Variants in PIEZO2 observed in about 807,000 individuals in gnomAD.
PIEZO2 encodes piezo type mechanosensitive ion channel component 2, also known as piezo-type mechanosensitive ion channel component 2.
PIEZO2 carries 172 observed loss-of-function variants against 337.3 expected under a neutral mutation model. That is an observed-to-expected ratio of 0.51 (90% CI 0.45 to 0.58). The LOEUF is 0.58. PIEZO2 is among the 20% of genes least tolerant of loss of function. The pLI is 0.00. For synonymous variants in PIEZO2, 1,251 were observed against 1,228.5 expected, an observed-to-expected ratio of 1.02 and a Z score of -0.38; for missense variants, 3,028 against 3,391.3, an observed-to-expected ratio of 0.89 and a Z score of 2.66.
At chr18:10,717,040 G>A (rs2036038702) in intron 37 of PIEZO2, among the ~76,000 whole-genome samples, 1 of 152,164 alleles carries the variant, frequency 6.6e-6, no homozygotes, top group Non-Finnish European at 1.5e-5. Context: ...CAGTGGTTAA[G>A]AGCACACACT....
intron 3 of PIEZO2, among the ~76,000 whole-genome samples, chr18:10,924,242 C>T (rs893424165): frequency 6.6e-6 from 1 of 152,164 alleles, no homozygotes; most frequent in African/African-American, 2.4e-5. Flanking sequence ...TAATTTGGCG[C>T]ACCGTTATGT....
rs1265336276 is a variant in PIEZO2, at chr18:10,794,154, CA to C, written c.1758+617del. Among the ~76,000 whole-genome samples, 3 of 151,958 alleles carry C rather than the reference CA, an allele frequency of 2.0e-5. No homozygotes were observed. Among genetic ancestry groups the C allele is most frequent in the African/African-American group, 7.3e-5 (3 of 41,326 alleles). On this transcript the variant is annotated intron_variant, in intron 13 of 55. Coordinates refer to ENST00000674853, the MANE Select transcript of PIEZO2 (RefSeq NM_001378183.1). The surrounding 1 kb of genome is among the most constrained non-coding windows in gnomAD (Gnocchi z 6.6). ...TGTGTTTAGTCTGCCATTCTGTTAA[CA>C]AAACAAACAGTAAGTTGGGAAACCT...
intron 3 of PIEZO2, among the ~76,000 whole-genome samples, chr18:10,923,890 T>C (rs2031571424): frequency 6.6e-6 from 1 of 152,186 alleles, no homozygotes; most frequent in South Asian, 2.1e-4. Flanking sequence ...GTGCTGTAGT[T>C]CTATGAGTCA....
At chr18:10,999,271 A>G (rs981391520) in intron 2 of PIEZO2, among the ~76,000 whole-genome samples, 7 of 152,110 alleles carry the variant, frequency 4.6e-5, no homozygotes, top group Non-Finnish European at 1.0e-4. Flanking sequence ...TGTATTTCAA[A>G]GTCTTCTTCA....
rs1312905282 is a variant in PIEZO2 at position 10,903,803 on chromosome 18, G to A, written c.329+7383C>T. On this transcript the variant is annotated intron_variant, in intron 4 of 55. Coordinates refer to ENST00000674853, the MANE Select transcript of PIEZO2 (RefSeq NM_001378183.1). This position sits in a 1 kb window ranked among gnomAD's most constrained non-coding sequence, Gnocchi z 4.1. ...TTTATCCCTAACAGTTCAGATGGATGAATGCCAATGAAGCCATTCTTCAAA... is the reference window on the plus strand; with the variant it reads ...TTTATCCCTAACAGTTCAGATGGATAAATGCCAATGAAGCCATTCTTCAAA... 1.3e-5 allele frequency among the ~76,000 whole-genome samples: 2 copies of A among 152,118 alleles called. No homozygotes were observed. The highest frequency in any genetic ancestry group is 1.9e-4 in the East Asian group (1 of 5,184).
At position 11,110,189 on chromosome 18, in the gene PIEZO2, A is replaced by C. The variant is rs1382022740; in HGVS notation, c.64+38336T>G. 6.6e-6 allele frequency among the ~76,000 whole-genome samples: 1 copy of C among 152,120 alleles called. No homozygotes were observed. Among genetic ancestry groups the C allele is most frequent in the Admixed American group, 6.5e-5 (1 of 15,276 alleles). ...ACCCAGGCTGGAGTAAAGTGGTGTG[A>C]TCATAGCTCACTGCATCCTGGAATT... On this transcript the variant is annotated intron_variant, in intron 1 of 55. Transcript: ENST00000674853. This position sits in a 1 kb window ranked among gnomAD's most constrained non-coding sequence, Gnocchi z 4.2.
At chr18:11,051,291 C>A (rs1454502195) in intron 2 of PIEZO2, among the ~76,000 whole-genome samples, 2 of 151,600 alleles carry the variant, frequency 1.3e-5, no homozygotes, top group Non-Finnish European at 2.9e-5. Context: ...GATAAGACGA[C>A]AACTTTGTTC....
rs538547324 is a variant in PIEZO2, at chr18:10,927,746, CCT to C, written c.287-16520_287-16519del. Among the ~76,000 whole-genome samples the C allele has an allele frequency of 1.2e-4, 18 of 152,144 alleles. No homozygotes were observed. In the South Asian group the frequency reaches 3.1e-3, roughly 26 times the overall value. ...GTTCTTAGACAAACTACAGAATTTTCCTCTCTCTGTGGTTTTTCAGTAGTCCA... is the reference window on the plus strand; with the variant it reads ...GTTCTTAGACAAACTACAGAATTTTCCTCTCTGTGGTTTTTCAGTAGTCCA... On this transcript the variant is annotated intron_variant, in intron 3 of 55. Coordinates refer to ENST00000674853, the MANE Select transcript of PIEZO2 (RefSeq NM_001378183.1).
chr18:10,677,731 G>T lies in PIEZO2; in HGVS notation c.8081+16C>A. 6.2e-7 allele frequency: 1 copy of T among 1,605,208 alleles called. No individual in the cohort carries two copies. ...ATACCTAACAAAGCTCTATTAGTAG[G>T]AAAAAATACACTTACACTGGTGTTT... On this transcript the variant is annotated intron_variant, in intron 53 of 55. Coordinates refer to ENST00000674853, the MANE Select transcript of PIEZO2 (RefSeq NM_001378183.1). The surrounding 1 kb of genome is among the most constrained non-coding windows in gnomAD (Gnocchi z 4.1).
In PIEZO2 at chr18:10,877,997, T is replaced by A. The variant is rs2042313648; in HGVS notation, c.330-6582A>T. On this transcript the variant is annotated intron_variant, in intron 4 of 55. Transcript: ENST00000674853. The surrounding 1 kb of genome is among the most constrained non-coding windows in gnomAD (Gnocchi z 5.3). ...CAACTTCTCCCAGTATGCTTCAGGT[T>A]CTCCTCATCTCTAAAAACACACCTG... Among the ~76,000 whole-genome samples the A allele has an allele frequency of 1.3e-5, 2 of 152,008 alleles. No homozygotes were observed. Among genetic ancestry groups the A allele is most frequent in the South Asian group, 4.1e-4 (2 of 4,820 alleles).
chr18:10,705,556 C>G lies in PIEZO2; in HGVS notation c.5779G>C (p.Glu1927Gln). The G allele has an allele frequency of 6.5e-7, 1 of 1,537,262 alleles. No individual in the cohort carries two copies. The change falls in exon 41 of 56, where the codon GAG becomes CAG. Residue 1927 changes from glutamate to glutamine, a missense_variant. Transcript: ENST00000674853. ...AEEASLTPEEELTQFSTLDGD... is the reference protein window; with the variant it reads ...AEEASLTPEEQLTQFSTLDGD... ...TCCAAGGTGGAGAACTGTGTCAGCT[C>G]TTCCTCTGGGGTGAGGCTGGCCTCC...
At chr18:10,788,470 G>A (rs1252007894) in intron 15 of PIEZO2, among the ~76,000 whole-genome samples, 1 of 140,770 alleles carries the variant, frequency 7.1e-6, no homozygotes, top group Non-Finnish European at 1.5e-5. Flanking sequence ...AAGGAAGGAA[G>A]GAAGGAAGAA....
chr18:10,863,158 T>G lies in PIEZO2; in HGVS notation c.493-5947A>C, dbSNP rs2041919620. On this transcript the variant is annotated intron_variant, in intron 5 of 55. Coordinates refer to ENST00000674853, the MANE Select transcript of PIEZO2 (RefSeq NM_001378183.1). This position sits in a 1 kb window ranked among gnomAD's most constrained non-coding sequence, Gnocchi z 4.3. ...TTGTTTATTATTAAAAGTTAACAAT[T>G]TATCTTAACAGAATGGGTTCATCTC... is the stretch of plus-strand genomic sequence containing the variant. Among the ~76,000 whole-genome samples, 1 of 152,182 alleles carries G rather than the reference T, an allele frequency of 6.6e-6. No individual in the cohort carries two copies. The highest frequency in any genetic ancestry group is 2.1e-4 in the South Asian group (1 of 4,828).
chr18:10,939,484 A>T (rs1418749430), intron 3 of PIEZO2, among the ~76,000 whole-genome samples: 1 of 152,208 alleles, frequency 6.6e-6, no homozygotes, highest in Non-Finnish European at 1.5e-5. Context: ...GTATTGCAAC[A>T]CTATTTACAA....
At chr18:10,785,063 C>T (rs1443001924) in intron 16 of PIEZO2, 106 bp from the exon 17 acceptor site, 58 of 1,239,000 alleles carry the variant, frequency 4.7e-5, no homozygotes, top group Non-Finnish European at 5.8e-5. Flanking sequence ...TCAGGTCTAT[C>T]GTTTATTGAA....
Position 10,791,234 on chromosome 18 carries a change from C to T in PIEZO2, c.1849G>A (p.Val617Ile), listed in dbSNP as rs2039401155. The T allele has an allele frequency of 6.5e-6, 10 of 1,536,142 alleles. No homozygotes were observed. In the South Asian group the frequency reaches 1.1e-4, roughly 16 times the overall value. ...TCATTTTCCTGACTGCCAATTTTGA[C>T]TTCCGATAAAAGAGCTTCCTTTTCT... ...LQEKEALLSE[V>I]KIGSQENEEK... The change falls in exon 14 of 56, where the codon GTC becomes ATC. Residue 617 changes from valine to isoleucine, a missense_variant. This residue lies in a region of PIEZO2 where 1,925 missense variants were observed against 2,051.9 expected (regional missense o/e 0.94). Transcript: ENST00000674853.
In PIEZO2 at chr18:10,775,750, A is replaced by G. The variant is rs2038760597; in HGVS notation, c.2535-1712T>C. Among the ~76,000 whole-genome samples the G allele has an allele frequency of 6.6e-6, 1 of 152,146 alleles. No individual in the cohort carries two copies. Among genetic ancestry groups the G allele is most frequent in the Non-Finnish European group, 1.5e-5 (1 of 68,016 alleles). ...GAGTAAGCCTTTTGGAAGTAGGTCC[A>G]CAAGGCTGATTTCTAGAAACTTGTA... is the stretch of plus-strand genomic sequence containing the variant. On this transcript the variant is annotated intron_variant, in intron 18 of 55. Transcript: ENST00000674853. The surrounding 1 kb of genome is among the most constrained non-coding windows in gnomAD (Gnocchi z 4.3).
intron 7 of PIEZO2, among the ~76,000 whole-genome samples, chr18:10,832,883 T>C (rs2040888521): frequency 6.6e-6 from 1 of 152,188 alleles, no homozygotes; most frequent in South Asian, 2.1e-4. Flanking sequence ...AGGTAACTCC[T>C]GTCTTCACCA....
chr18:10,951,680 T>C (rs1450589359), intron 3 of PIEZO2, among the ~76,000 whole-genome samples: 1 of 152,212 alleles, frequency 6.6e-6, no homozygotes, highest in Non-Finnish European at 1.5e-5. Flanking sequence ...TTAATCATTC[T>C]TTTGGGAACC....
Sources: allele counts gnomAD v4.1 joint callset (sites outside exome capture counted in the v4.1 genomes callset), GRCh38; gene constraint gnomAD v4.1.1; regional missense constraint gnomAD v4.1.1; non-coding constraint Gnocchi (gnomAD v3.1); transcripts MANE v1.5; gene names NCBI Gene and HGNC (gene_info 2026-07-23, HGNC 2026-07-21).